SIPA1L1: variants seen among roughly 807,000 people sequenced by gnomAD.
SIPA1L1 encodes signal-induced proliferation-associated 1-like protein 1.
In SIPA1L1, 26 loss-of-function variants were observed where a neutral mutation model predicts 162.7. The observed-to-expected ratio is 0.16, with a 90% CI of 0.12 to 0.22. The LOEUF (loss-of-function observed/expected upper bound fraction) is 0.22. Ranked by LOEUF, SIPA1L1 falls within the 10% of genes least tolerant of loss-of-function variation. The pLI is 1.00. For synonymous variants in SIPA1L1, 829 were observed against 837.4 expected, an observed-to-expected ratio of 0.99 and a Z score of 0.17; for missense variants, 1,874 against 2,241.0, an observed-to-expected ratio of 0.84 and a Z score of 3.31.
intron 2 of SIPA1L1, among the ~76,000 whole-genome samples, chr14:71,499,478 A>G (rs1287355510): frequency 6.6e-6 from 1 of 152,184 alleles, no homozygotes; most frequent in African/African-American, 2.4e-5. Flanking sequence ...GCTGCTTTGC[A>G]TGCCTCATCC....
intron 16 of SIPA1L1, among the ~76,000 whole-genome samples, chr14:71,708,279 T>C (rs1263483122): frequency 2.6e-5 from 4 of 151,802 alleles, no homozygotes; most frequent in Admixed American, 6.6e-5. Context: ...CATTTGTGAG[T>C]TTATTTTTCT....
At chr14:71,360,758 G>A (rs1393299842) in intron 2 of SIPA1L1, among the ~76,000 whole-genome samples, 3 of 152,142 alleles carry the variant, frequency 2.0e-5, no homozygotes, top group African/African-American at 7.2e-5. Flanking sequence ...CTTAGAAGAA[G>A]TGTCAGCAAA....
chr14:71,620,777 T>C (rs1450045379), intron 6 of SIPA1L1, among the ~76,000 whole-genome samples: 1 of 152,198 alleles, frequency 6.6e-6, no homozygotes, highest in Non-Finnish European at 1.5e-5. Context: ...TCCCACCTCT[T>C]TTCTTTCTGC....
intron 13 of SIPA1L1, among the ~76,000 whole-genome samples, chr14:71,688,977 G>T (rs2081067292): frequency 6.6e-6 from 1 of 152,096 alleles, no homozygotes. Context: ...CCCCAAATCT[G>T]CCCACTTAAG....
intron 2 of SIPA1L1, among the ~76,000 whole-genome samples, chr14:71,408,165 T>C (rs1252584402): frequency 6.6e-6 from 1 of 152,246 alleles, no homozygotes; most frequent in Non-Finnish European, 1.5e-5. Flanking sequence ...GCTTCTGTTA[T>C]CTTTTTATGT....
chr14:71,447,440 C>T (rs140914461), intron 2 of SIPA1L1, among the ~76,000 whole-genome samples: 208 of 152,212 alleles, frequency 1.4e-3, no homozygotes, highest in Non-Finnish European at 2.5e-3. Flanking sequence ...ATGGCAGATG[C>T]TTCCTAAGAG....
intron 5 of SIPA1L1, among the ~76,000 whole-genome samples, chr14:71,592,718 T>C (rs1296914780): frequency 6.6e-6 from 1 of 152,246 alleles, no homozygotes; most frequent in Non-Finnish European, 1.5e-5. Context: ...CTGATGAAGC[T>C]ATAATCACTT....
At chr14:71,435,177 CTTTTTTT>C (rs779025107) in intron 2 of SIPA1L1, among the ~76,000 whole-genome samples, 255 of 151,088 alleles carry the variant, frequency 1.7e-3, no homozygotes, top group Non-Finnish European at 2.5e-3. Flanking sequence ...TTTCTTTTTT[CTTTTTTT>C]TTAAATTATA....
chr14:71,704,761 C>T (rs901407319), intron 15 of SIPA1L1: 27 of 1,612,280 alleles, frequency 1.7e-5, no homozygotes, highest in East Asian at 2.2e-5. Flanking sequence ...ATTCTTTTGT[C>T]CTCGAGCAGC....
At chr14:71,645,919 C>T (rs1341665699) in intron 7 of SIPA1L1, among the ~76,000 whole-genome samples, 1 of 152,160 alleles carries the variant, frequency 6.6e-6, no homozygotes, top group Non-Finnish European at 1.5e-5. Context: ...TTTTAAATTT[C>T]TAAATTTAAT....
chr14:71,524,821 G>A (rs2052698930), intron 3 of SIPA1L1, among the ~76,000 whole-genome samples: 1 of 152,118 alleles, frequency 6.6e-6, no homozygotes. Context: ...CCTCAGATAT[G>A]ACCGACTCAT....
chr14:71,410,148 A>T (rs78877526), intron 2 of SIPA1L1, among the ~76,000 whole-genome samples: 1 of 152,208 alleles, frequency 6.6e-6, no homozygotes, highest in Non-Finnish European at 1.5e-5. Context: ...ATTGTATTCA[A>T]TGACAATACT....
At position 71,642,301 on chromosome 14, in the gene SIPA1L1, C is replaced by G. The variant is rs188675819; in HGVS notation, c.1819-8034C>G. The stretch of plus-strand genomic sequence containing the variant: ...GTACCCAGTTAAAGGCCAGAAGCCT[C>G]CCTGATTGAGATTGAGATGTGAGTC... On this transcript the variant is annotated intron_variant, in intron 7 of 23. Coordinates refer to ENST00000381232, the MANE Select transcript of SIPA1L1 (RefSeq NM_001386936.1). Among the ~76,000 whole-genome samples the G allele has an allele frequency of 9.8e-4, 149 of 152,246 alleles. 2 individuals carry two copies. Among genetic ancestry groups the G allele is most frequent in the African/African-American group, 3.4e-3 (143 of 41,552 alleles).
At chr14:71,445,487 G>A (rs533819419) in intron 2 of SIPA1L1, among the ~76,000 whole-genome samples, 4 of 152,050 alleles carry the variant, frequency 2.6e-5, no homozygotes, top group African/African-American at 9.6e-5. Flanking sequence ...TTTTAGCCTG[G>A]CAGAATTTGT....
chr14:71,380,206 A>T (rs1216074505), intron 2 of SIPA1L1, among the ~76,000 whole-genome samples: 1 of 152,258 alleles, frequency 6.6e-6, no homozygotes, highest in Non-Finnish European at 1.5e-5. Context: ...AATAATTAAC[A>T]TACTTTTGGA....
chr14:71,529,200 C>T, intron 3 of SIPA1L1, 112 bp from the exon 4 acceptor site: 1 of 412,624 alleles, frequency 2.4e-6, no homozygotes, highest in Non-Finnish European at 4.3e-6. Flanking sequence ...CTTAGAAAGG[C>T]TGGTTTGCCT....
chr14:71,512,998 A>T (rs1241840383), intron 3 of SIPA1L1, among the ~76,000 whole-genome samples, 153 bp downstream of exon 3: 2 of 151,928 alleles, frequency 1.3e-5, no homozygotes, highest in African/African-American at 4.8e-5. Context: ...AAGTTGTCCC[A>T]CCTTTCCAGA....
chr14:71,568,012 AC>A (rs2031105917), intron 4 of SIPA1L1, among the ~76,000 whole-genome samples: 2 of 152,242 alleles, frequency 1.3e-5, no homozygotes, highest in South Asian at 2.1e-4. Flanking sequence ...AGTGAAGACA[AC>A]CAGAGGTCAC....
intron 2 of SIPA1L1, among the ~76,000 whole-genome samples, chr14:71,373,346 G>T (rs2039070585): frequency 6.6e-6 from 1 of 151,642 alleles, no homozygotes; most frequent in Admixed American, 6.6e-5. Context: ...GTATTGGACG[G>T]GTGTGGTAGC....
Sources: gnomAD v4.1 joint callset for allele counts (sites outside exome capture counted in the v4.1 genomes callset) on GRCh38, gnomAD v4.1.1 for gene constraint, MANE v1.5 for transcripts, NCBI Gene and HGNC (gene_info 2026-07-23, HGNC 2026-07-21) for gene names.